VAV3: variants seen among roughly 807,000 people sequenced by gnomAD.
The protein encoded by VAV3 is vav guanine nucleotide exchange factor 3, also known as guanine nucleotide exchange factor VAV3.
Under a neutral mutation model 131.2 loss-of-function variants are expected in VAV3, and 94 were observed. The ratio of observed to expected loss-of-function variants is 0.72; its 90% confidence interval spans 0.61 to 0.85. The LOEUF is 0.85. Ranked by LOEUF, VAV3 falls within the 40% of genes least tolerant of loss-of-function variation. VAV3 has a pLI of 0.00. For missense variants in VAV3, 939 were observed against 1,002.7 expected, an observed-to-expected ratio of 0.94 and a Z score of 0.86; for synonymous variants, 349 against 342.0, an observed-to-expected ratio of 1.02 and a Z score of -0.22.
At chr1:107,627,508 T>G (rs777970803) in intron 20 of VAV3, among the ~76,000 whole-genome samples, 2 of 152,168 alleles carry the variant, frequency 1.3e-5, no homozygotes, top group Admixed American at 6.6e-5. Context: ...AGAGGAAACC[T>G]AAAAACAAAA....
intron 1 of VAV3, among the ~76,000 whole-genome samples, chr1:107,930,727 T>C (rs928219417): frequency 6.6e-6 from 1 of 152,174 alleles, no homozygotes; most frequent in Non-Finnish European, 1.5e-5. Flanking sequence ...AAAAACTTTA[T>C]ATTGAAGAGA....
chr1:107,853,532 T>C (rs1279768617), intron 2 of VAV3, among the ~76,000 whole-genome samples: 1 of 151,998 alleles, frequency 6.6e-6, no homozygotes, highest in Admixed American at 6.6e-5. Context: ...TCTGTACAAG[T>C]TCTTGTTTCT....
rs890252228 is a variant in VAV3, at chr1:107,964,973, C to T, written c.-104G>A. On this transcript the variant is annotated 5_prime_UTR_variant, in exon 1 of 27. Coordinates refer to ENST00000370056, the MANE Select transcript of VAV3 (RefSeq NM_006113.5). The stretch of plus-strand genomic sequence containing the variant: ...CGCGCCCCGCCGACGCCAACAGCCG[C>T]CGGCCCTTTCCCCGCGCGGGATCGA... 6.0e-6 allele frequency: 6 copies of T among 1,002,238 alleles called. 1 individual carries two copies. The Admixed American group carries it at 2.4e-4, about 40-fold the overall frequency. The allele number at this position is 1,002,238 out of a possible 1,614,324, so 62.1% of individuals were successfully genotyped here.
chr1:107,885,964 A>G (rs1032850792), intron 1 of VAV3, among the ~76,000 whole-genome samples: 4 of 152,200 alleles, frequency 2.6e-5, no homozygotes, highest in African/African-American at 9.7e-5. Flanking sequence ...TTTAGTTCCA[A>G]CGAAGGGAGA....
intron 15 of VAV3, among the ~76,000 whole-genome samples, chr1:107,708,864 T>C (rs1411897065): frequency 6.6e-6 from 1 of 152,046 alleles, no homozygotes. Context: ...TCATGACCAA[T>C]TTCGGTCAAT....
chr1:107,684,307 G>A (rs1658866172), intron 18 of VAV3, among the ~76,000 whole-genome samples: 1 of 152,156 alleles, frequency 6.6e-6, no homozygotes. Context: ...TCTTTATTAT[G>A]CAACTGGATG....
intron 2 of VAV3, among the ~76,000 whole-genome samples, chr1:107,797,714 C>T (rs1400751501): frequency 6.6e-6 from 1 of 152,138 alleles, no homozygotes; most frequent in Non-Finnish European, 1.5e-5. Context: ...AACATCATGA[C>T]CTTTAGGTTG....
intron 1 of VAV3, among the ~76,000 whole-genome samples, chr1:107,901,974 C>T (rs764901463): frequency 2.0e-5 from 3 of 151,334 alleles, no homozygotes; most frequent in East Asian, 2.0e-4. Context: ...ACCCAGGAGG[C>T]GGAGGTTGCA....
intron 15 of VAV3, among the ~76,000 whole-genome samples, chr1:107,717,273 A>T (rs1376232247): frequency 6.6e-6 from 1 of 151,894 alleles, no homozygotes. Context: ...TTCTTGCCTT[A>T]TGCTAGCTTT....
chr1:107,842,630 T>C (rs1249338031), intron 2 of VAV3, among the ~76,000 whole-genome samples: 1 of 152,216 alleles, frequency 6.6e-6, no homozygotes, highest in Non-Finnish European at 1.5e-5. Flanking sequence ...GATAGCTCAA[T>C]GAGATTTCAT....
At chr1:107,691,867 G>A (rs564264490) in intron 17 of VAV3, among the ~76,000 whole-genome samples, 1 of 152,030 alleles carries the variant, frequency 6.6e-6, no homozygotes, top group Non-Finnish European at 1.5e-5. Flanking sequence ...TGCATTATTG[G>A]TGCAAGAGAA....
chr1:107,917,989 T>C (rs893369282), intron 1 of VAV3, among the ~76,000 whole-genome samples: 5 of 152,206 alleles, frequency 3.3e-5, no homozygotes, highest in African/African-American at 1.2e-4. Flanking sequence ...AGTAATAGAA[T>C]AGAATAACAG....
At chr1:107,863,222 G>A (rs1052081467) in intron 2 of VAV3, among the ~76,000 whole-genome samples, 3 of 152,012 alleles carry the variant, frequency 2.0e-5, no homozygotes, top group African/African-American at 7.3e-5. Flanking sequence ...CTCATCCTCT[G>A]ACCACTCACT....
At chr1:107,796,430 T>A (rs1666548902) in intron 2 of VAV3, among the ~76,000 whole-genome samples, 1 of 152,140 alleles carries the variant, frequency 6.6e-6, no homozygotes, top group East Asian at 1.9e-4. Context: ...ACAAGACATG[T>A]ATACTGGGGC....
intron 1 of VAV3, among the ~76,000 whole-genome samples, chr1:107,930,343 A>C (rs970639651): frequency 6.6e-6 from 1 of 152,142 alleles, no homozygotes; most frequent in East Asian, 1.9e-4. Context: ...AAATTTTTTT[A>C]AAGAATTATG....
chr1:107,910,293 C>T (rs188348500), intron 1 of VAV3, among the ~76,000 whole-genome samples: 11 of 152,312 alleles, frequency 7.2e-5, no homozygotes, highest in Admixed American at 5.9e-4. Flanking sequence ...CATGGGTCAT[C>T]AGTTATTAAA....
At chr1:107,943,345 A>C (rs987483843) in intron 1 of VAV3, among the ~76,000 whole-genome samples, 54 of 152,166 alleles carry the variant, frequency 3.5e-4, no homozygotes, top group African/African-American at 1.3e-3. Flanking sequence ...TAAACTACAA[A>C]ATTACATAAG....
chr1:107,695,211 G>A (rs1386158023), intron 17 of VAV3, among the ~76,000 whole-genome samples: 3 of 152,090 alleles, frequency 2.0e-5, no homozygotes, highest in Non-Finnish European at 4.4e-5. Context: ...GAGCTTTGTA[G>A]GCCATATTGG....
chr1:107,705,946 A>ACATTTTTGTTATTTAAT (rs1660424055), intron 15 of VAV3, among the ~76,000 whole-genome samples: 1 of 152,198 alleles, frequency 6.6e-6, no homozygotes, highest in East Asian at 1.9e-4. Flanking sequence ...TATTAAAATA[A>ACATTTTTGTTATTTAAT]TCAAATTTTT....
Sources: allele counts gnomAD v4.1 joint callset (sites outside exome capture counted in the v4.1 genomes callset), GRCh38; gene constraint gnomAD v4.1.1; transcripts MANE v1.5; gene names NCBI Gene and HGNC (gene_info 2026-07-23, HGNC 2026-07-21).